Variants in MINDY3 observed in about 807,000 individuals in gnomAD.
MINDY3 encodes MINDY lysine 48 deubiquitinase 3.
In MINDY3, 38 loss-of-function variants were observed where a neutral mutation model predicts 69.2. That is an observed-to-expected ratio of 0.55 (90% confidence interval 0.42 to 0.72). The LOEUF is 0.72. MINDY3 is among the 30% of genes least tolerant of loss of function. MINDY3 has a pLI of 0.00. For missense variants in MINDY3, 522 were observed against 519.0 expected (o/e 1.01, Z -0.06); for synonymous variants, 192 against 180.1 (o/e 1.07, Z -0.53).
chr10:15,804,979 A>C (rs1564475426), intron 10 of MINDY3, among the ~76,000 whole-genome samples: 1 of 152,160 alleles, frequency 6.6e-6, no homozygotes, highest in East Asian at 1.9e-4. Flanking sequence ...CAGGGTAGGA[A>C]ACACAGCAGA....
chr10:15,858,001 G>A (rs1834816269), intron 1 of MINDY3: 1 of 923,038 alleles, frequency 1.1e-6, no homozygotes, highest in African/African-American at 1.8e-5. Flanking sequence ...TGTCACATTA[G>A]TAATGCAGCA....
chr10:15,797,995 A>C (rs1837963057), intron 10 of MINDY3, among the ~76,000 whole-genome samples: 1 of 152,172 alleles, frequency 6.6e-6, no homozygotes, highest in East Asian at 1.9e-4. Flanking sequence ...GAGAAGGTAC[A>C]TGGTTACAGA....
chr10:15,834,802 T>C lies in MINDY3; in HGVS notation c.577-186A>G, dbSNP rs193047084. 1.8e-4 allele frequency among the ~76,000 whole-genome samples: 28 copies of C among 152,220 alleles called. No individual in the cohort carries two copies. The East Asian group carries it at 3.3e-3, about 18-fold the overall frequency. On this transcript the variant is annotated intron_variant, in intron 6 of 14. Transcript: ENST00000277632. ...TTAAAAAATAGTTCCTCAAATATCT[T>C]TTATTTTCTTTCATGGGCTCTATAT...
intron 13 of MINDY3, among the ~76,000 whole-genome samples, chr10:15,782,701 AAATATCC>A (rs1164099519): frequency 6.6e-6 from 1 of 152,204 alleles, no homozygotes; most frequent in African/African-American, 2.4e-5. Flanking sequence ...CTTTTCCAAA[AAATATCC>A]AATATTTGAA....
rs561618129 is a variant in MINDY3, at chr10:15,810,386, T to C, written c.882+6449A>G. On this transcript the variant is annotated intron_variant, in intron 10 of 14. Transcript: ENST00000277632. ...TAAATTTTGAACATGTTACAGCATA[T>C]AGGTAGTTTCACAAAGCTTATTTGT... is the stretch of plus-strand genomic sequence containing the variant. Among the ~76,000 whole-genome samples the C allele has an allele frequency of 3.0e-4, 46 of 152,292 alleles. 1 individual carries two copies. In the South Asian group the frequency reaches 9.3e-3, roughly 31 times the overall value.
intron 11 of MINDY3, among the ~76,000 whole-genome samples, chr10:15,794,978 T>G (rs878943073): frequency 6.2e-4 from 62 of 99,418 alleles, no homozygotes; most frequent in South Asian, 1.9e-3. Flanking sequence ...CTTTTATGTT[T>G]CTTTTCTCAA....
intron 11 of MINDY3, among the ~76,000 whole-genome samples, chr10:15,793,233 T>A (rs1421994120): frequency 2.0e-5 from 3 of 152,114 alleles, no homozygotes; most frequent in South Asian, 2.1e-4. Flanking sequence ...AAAGCTCATG[T>A]GGAACACTTT....
chr10:15,796,696 T>C (rs767465178), intron 10 of MINDY3, among the ~76,000 whole-genome samples: 6 of 152,036 alleles, frequency 3.9e-5, no homozygotes, highest in Non-Finnish European at 8.8e-5. Flanking sequence ...AACTTCTACA[T>C]GTCCAGAATT....
At chr10:15,823,002 C>T (rs982990586) in intron 8 of MINDY3, among the ~76,000 whole-genome samples, 3 of 152,178 alleles carry the variant, frequency 2.0e-5, no homozygotes, top group Admixed American at 1.3e-4. Flanking sequence ...TTTTTACCAT[C>T]TGGTCATGTT....
chr10:15,855,805 T>C (rs1268467355), intron 1 of MINDY3, among the ~76,000 whole-genome samples: 1 of 152,160 alleles, frequency 6.6e-6, no homozygotes, highest in African/African-American at 2.4e-5. Context: ...AAAATGAGGA[T>C]AACTACATTT....
At chr10:15,826,746 T>C (rs1392659063) in intron 8 of MINDY3, among the ~76,000 whole-genome samples, 1 of 152,156 alleles carries the variant, frequency 6.6e-6, no homozygotes, top group Non-Finnish European at 1.5e-5. Context: ...AATAAAAACA[T>C]GTAAATATGG....
intron 1 of MINDY3, among the ~76,000 whole-genome samples, chr10:15,853,098 C>T (rs1834421527): frequency 1.3e-5 from 2 of 151,872 alleles, no homozygotes; most frequent in Admixed American, 1.3e-4. Context: ...CAACAGACAA[C>T]TATATTTAAG....
chr10:15,843,419 C>T (rs1833618170), intron 2 of MINDY3, 147 bp from the exon 3 acceptor site: 2 of 654,928 alleles, frequency 3.1e-6, no homozygotes, highest in South Asian at 1.9e-5. Flanking sequence ...GTTCCCCTCA[C>T]ATTTGACAGG....
chr10:15,839,770 TAAC>T (rs751927621), intron 4 of MINDY3, among the ~76,000 whole-genome samples: 80 of 151,694 alleles, frequency 5.3e-4, no homozygotes, highest in Non-Finnish European at 9.0e-4. Flanking sequence ...AATTTTCAGT[TAAC>T]AAAGTATTTC....
rs147782567 is a variant in MINDY3, at chr10:15,784,117, C to A, written c.1117-1891G>T. ...ACTAAGATACCTAGTGTATGACCTT[C>A]AACAATCGTCTTAAGTTCTCTAATC... is the stretch of plus-strand genomic sequence containing the variant. On this transcript the variant is annotated intron_variant, in intron 13 of 14. Transcript: ENST00000277632. 3.1e-3 allele frequency among the ~76,000 whole-genome samples: 472 copies of A among 152,224 alleles called. 3 individuals are homozygous for A. The highest frequency in any genetic ancestry group is 0.011 in the African/African-American group (449 of 41,542).
intron 11 of MINDY3, among the ~76,000 whole-genome samples, chr10:15,791,903 C>G (rs561977929): frequency 6.6e-6 from 1 of 152,158 alleles, no homozygotes; most frequent in South Asian, 2.1e-4. Flanking sequence ...TAGCAGGTCT[C>G]AATTTTAACA....
intron 2 of MINDY3, among the ~76,000 whole-genome samples, chr10:15,844,931 T>C (rs1361221657): frequency 6.6e-6 from 1 of 152,208 alleles, no homozygotes; most frequent in Non-Finnish European, 1.5e-5. Context: ...TAAAGCATCA[T>C]TCCACCTGTT....
At chr10:15,818,440 C>A (rs747428000) in intron 9 of MINDY3, among the ~76,000 whole-genome samples, 3 of 151,754 alleles carry the variant, frequency 2.0e-5, no homozygotes. Context: ...CTTTGGACAA[C>A]AGTTTGACAC....
chr10:15,851,258 T>A (rs1258612638), intron 1 of MINDY3, among the ~76,000 whole-genome samples: 1 of 152,190 alleles, frequency 6.6e-6, no homozygotes, highest in Non-Finnish European at 1.5e-5. Flanking sequence ...AGTAATCTCA[T>A]CTACTCCCAG....
Sources: allele counts gnomAD v4.1 joint callset (sites outside exome capture counted in the v4.1 genomes callset), GRCh38; gene constraint gnomAD v4.1.1; transcripts MANE v1.5; gene names NCBI Gene and HGNC (gene_info 2026-07-23, HGNC 2026-07-21).